Variants in IL13RA1 observed in about 807,000 individuals in gnomAD.
IL13RA1 encodes interleukin-13 receptor subunit alpha-1.
IL13RA1 carries 14 observed loss-of-function variants against 33.8 expected under a neutral mutation model. The observed-to-expected ratio is 0.41, with a 90% CI of 0.27 to 0.65. The LOEUF is 0.65. Ranked by LOEUF, IL13RA1 falls within the 30% of genes least tolerant of loss-of-function variation. IL13RA1 has a pLI of 0.28. For missense variants in IL13RA1, 313 were observed against 327.0 expected, an observed-to-expected ratio of 0.96 and a Z score of 0.33; for synonymous variants, 116 against 115.7, an observed-to-expected ratio of 1.00 and a Z score of -0.02.
At chrX:118,804,280 G>A in the IL13RA1 span, among the ~76,000 whole-genome samples, 31 of 110,125 alleles carry the variant, frequency 2.8e-4, no homozygotes, top group Non-Finnish European at 3.8e-5. Flanking sequence ...CTTTATAAGC[G>A]TAGTCAGACA....
chrX:118,783,467 T>C (rs1367010954), intron 10 of IL13RA1, among the ~76,000 whole-genome samples: 1 of 111,927 alleles, frequency 8.9e-6, no homozygotes, highest in Non-Finnish European at 1.9e-5. Context: ...TGCATTTATT[T>C]CTTTTACCTT....
At chrX:118,749,631 C>T (rs2017448549) in intron 3 of IL13RA1, 27 bp from the exon 4 acceptor site, 1 of 1,201,893 alleles carries the variant, frequency 8.3e-7, no homozygotes, top group Admixed American at 2.2e-5. Context: ...AAAGAAGGGT[C>T]TTAAACTCTT....
chrX:118,793,399 C>A lies in IL13RA1; in HGVS notation c.*1545C>A, dbSNP rs1394382334. 2 of 112,056 alleles carry A rather than the reference C, an allele frequency of 1.8e-5. No homozygotes were observed. The highest frequency in any genetic ancestry group is 6.5e-5 in the African/African-American group (2 of 30,804). 9.2% of individuals were successfully genotyped at this position (112,056 alleles called of 1,213,427 possible). A position where few individuals can be genotyped will look rare whatever the true frequency, so the allele number is the denominator to read the frequency against. On this transcript the variant is annotated 3_prime_UTR_variant, in exon 11 of 11. Transcript: ENST00000371666. The stretch of plus-strand genomic sequence containing the variant: ...TTCTTTACAAGATGGGTCCAGGATT[C>A]CTCTTTTCTCTGCCATAAATGATTA...
At chrX:118,798,724 A>AT (rs2059305008), downstream of IL13RA1, among the ~76,000 whole-genome samples, 1 of 111,881 alleles carries the variant, frequency 8.9e-6, no homozygotes, top group Admixed American at 9.4e-5. Context: ...GGTGATTTTT[A>AT]TTTTTTTCAG....
intron 8 of IL13RA1, among the ~76,000 whole-genome samples, chrX:118,773,434 T>C (rs1490799333): frequency 8.9e-6 from 1 of 111,985 alleles, no homozygotes; most frequent in Non-Finnish European, 1.9e-5. Flanking sequence ...GAGGTTGCAG[T>C]GAGCCAAGAT....
At chrX:118,800,276 G>A in the IL13RA1 span, among the ~76,000 whole-genome samples, 1 of 109,996 alleles carries the variant, frequency 9.1e-6, no homozygotes, top group East Asian at 2.9e-4. Flanking sequence ...CGACCCGCGC[G>A]GGTCCCCTTC....
chrX:118,735,863 T>C (rs758694489), intron 1 of IL13RA1, among the ~76,000 whole-genome samples: 14 of 111,652 alleles, frequency 1.3e-4, no homozygotes, highest in Non-Finnish European at 2.4e-4. Flanking sequence ...GTATTCTTTC[T>C]TCCTCTTTCT....
intron 10 of IL13RA1, among the ~76,000 whole-genome samples, chrX:118,785,584 T>C (rs991781992): frequency 3.6e-5 from 4 of 111,969 alleles, no homozygotes; most frequent in Non-Finnish European, 5.6e-5. Context: ...TTTGTTTTAT[T>C]TTTTGAGATG....
chrX:118,796,199 A>C (rs1259633418), downstream of IL13RA1, among the ~76,000 whole-genome samples: 6 of 112,396 alleles, frequency 5.3e-5, no homozygotes, highest in Non-Finnish European at 9.4e-5. Flanking sequence ...CTATGTGCCG[A>C]GTTACATGTG....
chrX:118,791,788 G>A lies in IL13RA1; in HGVS notation c.1218G>A (p.Glu406=). 1 of 1,058,094 alleles carries A rather than the reference G, an allele frequency of 9.5e-7. No homozygotes were observed. Among genetic ancestry groups the A allele is most frequent in the Non-Finnish European group, 1.3e-6 (1 of 759,576 alleles). 87.2% of individuals were successfully genotyped at this position (1,058,094 alleles called of 1,213,427 possible). The change falls in exon 11 of 11, where the codon GAG becomes GAA. Residue 406 remains glutamate (E), a synonymous_variant. Coordinates refer to ENST00000371666, the MANE Select transcript of IL13RA1 (RefSeq NM_001560.3). The part of the protein sequence containing the change: ...TLHWKKYDIY[E]KQTKEETDSV... ...ACTGGAAGAAGTACGACATCTATGA[G>A]AAGCAAACCAAGGAGGAAACCGACT...
At chrX:118,766,145 AT>A (rs936044035) in intron 6 of IL13RA1, among the ~76,000 whole-genome samples, 3 of 111,783 alleles carry the variant, frequency 2.7e-5, no homozygotes, top group African/African-American at 9.8e-5. Context: ...AATTCTCTTT[AT>A]GGTTAATATG....
chrX:118,769,139 C>A (rs1045951726), intron 8 of IL13RA1, among the ~76,000 whole-genome samples: 1 of 112,149 alleles, frequency 8.9e-6, no homozygotes, highest in South Asian at 3.8e-4. Context: ...GTCAATTAGT[C>A]TAGCCCATGC....
intron 4 of IL13RA1, among the ~76,000 whole-genome samples, chrX:118,752,237 G>A (rs2017478501): frequency 9.0e-6 from 1 of 110,939 alleles, no homozygotes; most frequent in South Asian, 3.8e-4. Context: ...GACAGACCTG[G>A]CCCCTGTCAA....
chrX:118,787,358 G>A (rs778132097), intron 10 of IL13RA1, among the ~76,000 whole-genome samples: 1 of 111,059 alleles, frequency 9.0e-6, no homozygotes, highest in African/African-American at 3.3e-5. Context: ...TACGAATAGG[G>A]TGTGGGTCAC....
chrX:118,763,383 T>G (rs1179637023), intron 6 of IL13RA1, among the ~76,000 whole-genome samples: 5 of 111,929 alleles, frequency 4.5e-5, no homozygotes, highest in Admixed American at 1.9e-4. Context: ...TCCTGTTATT[T>G]TGTCTCCATT....
At chrX:118,796,132 T>C (rs1243048983), downstream of IL13RA1, among the ~76,000 whole-genome samples, 2 of 112,739 alleles carry the variant, frequency 1.8e-5, no homozygotes, top group African/African-American at 3.2e-5. Flanking sequence ...CTGCTGGTTT[T>C]CAGCATTTAT....
chrX:118,741,394 T>C (rs1439939582), intron 2 of IL13RA1, among the ~76,000 whole-genome samples: 1 of 112,621 alleles, frequency 8.9e-6, no homozygotes, highest in South Asian at 3.6e-4. Context: ...ATACTAGATA[T>C]CTTTTTCTCT....
intron 8 of IL13RA1, chrX:118,770,267 G>A (rs1482387936): frequency 3.0e-6 from 1 of 333,950 alleles, no homozygotes; most frequent in Admixed American, 3.1e-5. Context: ...ACCCTGCAAT[G>A]TCATCACCAA....
At chrX:118,735,787 A>G (rs550832635) in intron 1 of IL13RA1, among the ~76,000 whole-genome samples, 10 of 111,861 alleles carry the variant, frequency 8.9e-5, no homozygotes, top group Non-Finnish European at 1.3e-4. Context: ...GACCCAGGCA[A>G]TCTGCCTGCC....
Sources: allele counts gnomAD v4.1 joint callset (sites outside exome capture counted in the v4.1 genomes callset), GRCh38; gene constraint gnomAD v4.1.1; transcripts MANE v1.5; gene names NCBI Gene and HGNC (gene_info 2026-07-23, HGNC 2026-07-21).